The following RALGPS1 variants were observed in gnomAD, a reference collection of about 807,000 sequenced individuals.
RALGPS1 encodes the protein Ral GEF with PH domain and SH3 binding motif 1, also known as ras-specific guanine nucleotide-releasing factor RalGPS1.
Under a neutral mutation model 78.8 loss-of-function variants are expected in RALGPS1, and 19 were observed. The observed-to-expected ratio is 0.24, with a 90% CI of 0.17 to 0.35. RALGPS1 has a LOEUF of 0.35. Ranked by LOEUF, RALGPS1 falls within the 10% of genes least tolerant of loss-of-function variation. The probability of loss-of-function intolerance (pLI) is 1.00; values close to 1 mark genes in which losing one functional copy is unlikely to be tolerated. For missense variants in RALGPS1, 454 were observed against 688.3 expected (o/e 0.66, Z 3.81); for synonymous variants, 228 against 256.3 (o/e 0.89, Z 1.06).
intron 8 of RALGPS1, among the ~76,000 whole-genome samples, chr9:127,120,376 G>A (rs1055613120): frequency 6.6e-6 from 1 of 152,148 alleles, no homozygotes; most frequent in Non-Finnish European, 1.5e-5. Flanking sequence ...CATGCTGCAG[G>A]TGGCCCCAAA....
At chr9:127,065,113 T>A (rs536309669) in intron 7 of RALGPS1, among the ~76,000 whole-genome samples, 16 of 152,170 alleles carry the variant, frequency 1.1e-4, no homozygotes, top group South Asian at 6.2e-4. Context: ...CTAATTTTTT[T>A]AATTATTATT....
chr9:126,960,284 A>C (rs2038783949), intron 1 of RALGPS1, among the ~76,000 whole-genome samples: 1 of 143,424 alleles, frequency 7.0e-6, no homozygotes, highest in African/African-American at 2.6e-5. Context: ...ACCAGGCTGG[A>C]GTGCAGTGGT....
chr9:126,927,734 A>G (rs984285357), intron 1 of RALGPS1, among the ~76,000 whole-genome samples: 29 of 152,194 alleles, frequency 1.9e-4, no homozygotes, highest in African/African-American at 7.0e-4. Context: ...CGCTGAAGCC[A>G]GAAAGTTGCG....
chr9:126,930,177 T>G (rs1047660125), intron 1 of RALGPS1, among the ~76,000 whole-genome samples: 9 of 150,934 alleles, frequency 6.0e-5, no homozygotes, highest in Non-Finnish European at 1.3e-4. Flanking sequence ...TATTTTAGTT[T>G]TTTTTTTTTT....
At chr9:126,965,406 T>C (rs542872893) in intron 2 of RALGPS1, among the ~76,000 whole-genome samples, 3 of 151,808 alleles carry the variant, frequency 2.0e-5, no homozygotes, top group East Asian at 2.0e-4. Flanking sequence ...TCCTAAGACA[T>C]GCAGTCCTGT....
chr9:126,973,995 C>T (rs2040368000), intron 3 of RALGPS1, among the ~76,000 whole-genome samples: 1 of 152,134 alleles, frequency 6.6e-6, no homozygotes, highest in South Asian at 2.1e-4. Context: ...GCCTCAGCCT[C>T]CTGAGTAGCT....
chr9:127,160,343 G>T (rs2058948948), intron 8 of RALGPS1, among the ~76,000 whole-genome samples: 1 of 152,224 alleles, frequency 6.6e-6, no homozygotes, highest in African/African-American at 2.4e-5. Flanking sequence ...CAAGAAGCAG[G>T]TTTGGCCACC....
rs766543049 is a variant in RALGPS1, at chr9:127,088,992, A to C, written c.610+19636A>C. On this transcript the variant is annotated intron_variant, in intron 8 of 18. Transcript: ENST00000259351. Reference sequence around the variant, plus strand: ...ATCATCATCACCACTTTCTTGAGTGAGTAAGAGCCTCCTCGGAACTCAGCC... The same window carrying C: ...ATCATCATCACCACTTTCTTGAGTGCGTAAGAGCCTCCTCGGAACTCAGCC... 3 of 1,614,058 alleles carry C rather than the reference A, an allele frequency of 1.9e-6. No individual in the cohort carries two copies. In the African/African-American group the frequency reaches 4.0e-5, roughly 22 times the overall value.
At chr9:127,120,872 C>G (rs920591352) in intron 8 of RALGPS1, among the ~76,000 whole-genome samples, 1 of 152,108 alleles carries the variant, frequency 6.6e-6, no homozygotes, top group African/African-American at 2.4e-5. Context: ...TCCCTTCCCT[C>G]TGTGCCAGTC....
chr9:127,095,424 T>C (rs1284497082), intron 8 of RALGPS1, among the ~76,000 whole-genome samples: 6 of 152,034 alleles, frequency 3.9e-5, no homozygotes, highest in Non-Finnish European at 7.4e-5. Context: ...TAAATAAAAA[T>C]CCCCACAATG....
At chr9:127,133,799 A>T (rs985395217) in intron 8 of RALGPS1, among the ~76,000 whole-genome samples, 1 of 151,920 alleles carries the variant, frequency 6.6e-6, no homozygotes, top group African/African-American at 2.4e-5. Context: ...GGAAGGGGCA[A>T]ATCCCAGCTG....
chr9:127,049,656 C>G (rs1219112590), intron 5 of RALGPS1, among the ~76,000 whole-genome samples: 1 of 152,174 alleles, frequency 6.6e-6, no homozygotes, highest in Non-Finnish European at 1.5e-5. Flanking sequence ...GTCCATCTGT[C>G]CCTCCATCCA....
chr9:127,011,296 G>A (rs191624852), intron 4 of RALGPS1, among the ~76,000 whole-genome samples: 25 of 152,144 alleles, frequency 1.6e-4, no homozygotes, highest in African/African-American at 4.8e-4. Context: ...TCCTGCCTCC[G>A]CCTCCCGAGT....
chr9:126,989,011 A>G (rs1263347001), intron 4 of RALGPS1, among the ~76,000 whole-genome samples: 1 of 152,140 alleles, frequency 6.6e-6, no homozygotes, highest in Admixed American at 6.5e-5. Context: ...AGGTGGGAGG[A>G]CCACTTGAGC....
In RALGPS1 at chr9:127,201,648, T is replaced by G. The variant is rs577541239; in HGVS notation, c.1247+2582T>G. 9.8e-5 allele frequency among the ~76,000 whole-genome samples: 15 copies of G among 152,286 alleles called. No homozygotes were observed. The Middle Eastern group carries it at 0.01, about 104-fold the overall frequency. On this transcript the variant is annotated intron_variant, in intron 14 of 18. Transcript: ENST00000259351. ...TTCTTTCAGTTACTCACCTTCATGC[T>G]CTTTCCTGGGTCTTCTCTATTCCTG... is the stretch of plus-strand genomic sequence containing the variant.
intron 4 of RALGPS1, among the ~76,000 whole-genome samples, chr9:126,992,667 A>G (rs1248841278): frequency 6.6e-6 from 1 of 152,236 alleles, no homozygotes; most frequent in Non-Finnish European, 1.5e-5. Flanking sequence ...AACTCCATGT[A>G]TTAAGGACTC....
chr9:126,926,205 C>T (rs535566018), intron 1 of RALGPS1, among the ~76,000 whole-genome samples: 154 of 152,280 alleles, frequency 1.0e-3, no homozygotes, highest in Non-Finnish European at 2.0e-3. Context: ...ACTTGGACCT[C>T]ATTAGTGGTT....
intron 13 of RALGPS1, among the ~76,000 whole-genome samples, chr9:127,197,398 C>T (rs2061402435): frequency 6.6e-6 from 1 of 151,540 alleles, no homozygotes; most frequent in East Asian, 2.0e-4. Context: ...GTGTGTCTGT[C>T]GGCTTCCCTT....
chr9:127,074,593 GA>G lies in RALGPS1; in HGVS notation c.610+5238del, dbSNP rs369983019. Among the ~76,000 whole-genome samples, 364 of 152,356 alleles carry G rather than the reference GA, an allele frequency of 2.4e-3. 2 individuals carry two copies. The highest frequency in any genetic ancestry group is 8.4e-3 in the African/African-American group (348 of 41,582). On this transcript the variant is annotated intron_variant, in intron 8 of 18. Transcript: ENST00000259351. ...GCAGAGGTGTTCCAGGGTCATTAAG[GA>G]TGGCCTCTTTTCTCGAATAAGGATG...
Sources: allele counts gnomAD v4.1 joint callset (sites outside exome capture counted in the v4.1 genomes callset), GRCh38; gene constraint gnomAD v4.1.1; transcripts MANE v1.5; gene names NCBI Gene and HGNC (gene_info 2026-07-23, HGNC 2026-07-21).